Variants in AGO4 observed in about 807,000 individuals in gnomAD.
AGO4 encodes the protein argonaute RISC component 4, also known as protein argonaute-4.
Under a neutral mutation model 104.7 loss-of-function variants are expected in AGO4, and 33 were observed. The ratio of observed to expected loss-of-function variants is 0.32; its 90% CI spans 0.24 to 0.42. AGO4 has a LOEUF of 0.42. AGO4 is among the 10% of genes least tolerant of loss of function. AGO4 has a pLI of 1.00. For synonymous variants in AGO4, 331 were observed against 364.7 expected (o/e 0.91, Z 1.05); for missense variants, 711 against 1,083.4 (o/e 0.66, Z 4.83).
At chr1:35,818,363 C>T (rs963335034) in intron 2 of AGO4, among the ~76,000 whole-genome samples, 1 of 152,236 alleles carries the variant, frequency 6.6e-6, no homozygotes, top group East Asian at 1.9e-4. Flanking sequence ...ATGGCTCATG[C>T]CTGTAATCCC....
In AGO4 at chr1:35,855,515, C is replaced by T. The variant is rs992509889; in HGVS notation, c.*1910C>T. 8 of 152,532 alleles carry T rather than the reference C, an allele frequency of 5.2e-5. No homozygotes were observed. The highest frequency in any genetic ancestry group is 1.3e-4 in the Admixed American group (2 of 15,262). 9.4% of individuals were successfully genotyped at this position (152,532 alleles called of 1,614,324 possible). A position where few individuals can be genotyped will look rare whatever the true frequency, so the allele number is the denominator to read the frequency against. ...GTCTCTGAGAGAGTTTTATGTCGAT[C>T]GAGGCCTGTTGCTCATTAAGCTGAG... On this transcript the variant is annotated 3_prime_UTR_variant, in exon 18 of 18. Transcript: ENST00000373210.
At chr1:35,822,229 G>A (rs1167834555) in intron 2 of AGO4, among the ~76,000 whole-genome samples, 2 of 151,558 alleles carry the variant, frequency 1.3e-5, no homozygotes, top group South Asian at 2.1e-4. Context: ...ATGTACCTCC[G>A]TGTCAAACTT....
intron 3 of AGO4, 141 bp downstream of exon 3, chr1:35,823,123 C>A: frequency 1.0e-6 from 1 of 956,636 alleles, no homozygotes; most frequent in Non-Finnish European, 1.5e-6. Context: ...TTCATTATTA[C>A]ACATTGCATA....
intron 7 of AGO4, among the ~76,000 whole-genome samples, chr1:35,829,628 G>A (rs182755673): frequency 1.4e-3 from 206 of 152,118 alleles, no homozygotes; most frequent in Non-Finnish European, 2.4e-3. Context: ...CTAGAGGTCA[G>A]GAGTTCAAGA....
At chr1:35,843,860 C>T (rs1016880072) in intron 15 of AGO4, among the ~76,000 whole-genome samples, 1 of 152,144 alleles carries the variant, frequency 6.6e-6, no homozygotes, top group Non-Finnish European at 1.5e-5. Flanking sequence ...TATTATTAAG[C>T]TATCTCATAG....
At position 35,816,976 on chromosome 1, in the gene AGO4, G is replaced by A. The variant is rs1034308759; in HGVS notation, c.114G>A (p.Gln38=). 12 of 1,614,044 alleles carry A rather than the reference G, an allele frequency of 7.4e-6. No individual in the cohort carries two copies. The Middle Eastern group carries it at 1.2e-3, about 155-fold the overall frequency. The change falls in exon 2 of 18, where the codon CAG becomes CAA. Residue 38 remains glutamine (Q), a synonymous_variant. Coordinates refer to ENST00000373210, the MANE Select transcript of AGO4 (RefSeq NM_017629.4). ...IRLLANHFQV[Q]IPKIDVYHYD... is the part of the protein sequence containing the mutation. ...TGTTAGCCAATCATTTTCAGGTTCA[G>A]ATTCCTAAAATAGATGTGTATCACT...
At position 35,855,345 on chromosome 1, in the gene AGO4, CA is replaced by C. The variant is rs1440639332; in HGVS notation, c.*1743del. ...GTTTGCTTGAACTCATGAGACGGTC[CA>C]AATCTCATAAACTAGCCTTCTCAAA... On this transcript the variant is annotated 3_prime_UTR_variant, in exon 18 of 18. Transcript: ENST00000373210. The C allele has an allele frequency of 6.6e-6, 1 of 152,590 alleles. No homozygotes were observed. Among genetic ancestry groups the C allele is most frequent in the Non-Finnish European group, 1.5e-5 (1 of 68,038 alleles). 9.5% of individuals were successfully genotyped at this position (152,590 alleles called of 1,614,324 possible). A position where few individuals can be genotyped will look rare whatever the true frequency, so the allele number is the denominator to read the frequency against.
Position 35,826,382 on chromosome 1 carries a change from A to G in AGO4, c.760+322A>G, listed in dbSNP as rs72659691. On this transcript the variant is annotated intron_variant, in intron 6 of 17. Transcript: ENST00000373210. ...AGAACTTCCATTTTAATAAAATAACATAAATTCATTTATTATCCTTCTGGG... is the reference window on the plus strand; with the variant it reads ...AGAACTTCCATTTTAATAAAATAACGTAAATTCATTTATTATCCTTCTGGG... 5.1e-3 allele frequency among the ~76,000 whole-genome samples: 783 copies of G among 152,342 alleles called. 5 individuals carry two copies. Among genetic ancestry groups the G allele is most frequent in the Non-Finnish European group, 6.2e-3 (421 of 68,030 alleles).
At position 35,813,790 on chromosome 1, in the gene AGO4, AGAAGGAAGAAG is replaced by A. The variant is rs377067585; in HGVS notation, c.20-3076_20-3066del. On this transcript the variant is annotated intron_variant, in intron 1 of 17. Coordinates refer to ENST00000373210, the MANE Select transcript of AGO4 (RefSeq NM_017629.4). The stretch of plus-strand genomic sequence containing the variant: ...AAGAAGAAGAAGAAGAGGAAGAGGA[AGAAGGAAGAAG>A]GAAGGAAGAAGGAAGAAGAAGAGAG... Among the ~76,000 whole-genome samples, 1,055 of 151,556 alleles carry A rather than the reference AGAAGGAAGAAG, an allele frequency of 7.0e-3. 13 individuals carry two copies. The highest frequency in any genetic ancestry group is 0.022 in the African/African-American group (926 of 41,258).
intron 7 of AGO4, among the ~76,000 whole-genome samples, chr1:35,830,123 G>A: frequency 7.6e-6 from 1 of 131,254 alleles, no homozygotes; most frequent in Non-Finnish European, 1.6e-5. Flanking sequence ...CAGCCTAGGT[G>A]ACAGAACGAG....
chr1:35,809,256 G>T (rs1184375344), intron 1 of AGO4, among the ~76,000 whole-genome samples: 1 of 152,200 alleles, frequency 6.6e-6, no homozygotes, highest in Admixed American at 6.5e-5. Flanking sequence ...ATTCCAGGCT[G>T]TAACAAGTGT....
intron 15 of AGO4, among the ~76,000 whole-genome samples, chr1:35,846,069 C>T (rs1307559198): frequency 6.6e-6 from 1 of 152,210 alleles, no homozygotes; most frequent in African/African-American, 2.4e-5. Flanking sequence ...CTCCCCCAGG[C>T]AGGGGCATGG....
Position 35,808,764 on chromosome 1 carries a change from G to A in AGO4, c.19+329G>A, listed in dbSNP as rs1023225707. 6.6e-6 allele frequency among the ~76,000 whole-genome samples: 1 copy of A among 152,178 alleles called. No individual in the cohort carries two copies. Among genetic ancestry groups the A allele is most frequent in the Non-Finnish European group, 1.5e-5 (1 of 68,018 alleles). On this transcript the variant is annotated intron_variant, in intron 1 of 17. Transcript: ENST00000373210. The surrounding 1 kb of genome is among the most constrained non-coding windows in gnomAD (Gnocchi z 5.2). Reference sequence around the variant, plus strand: ...CGAGGGTAGTTTGGGCCTCAGAAGGGGGCGATCCGCTACCCAGTGCGCGCG... The same window carrying A: ...CGAGGGTAGTTTGGGCCTCAGAAGGAGGCGATCCGCTACCCAGTGCGCGCG...
chr1:35,850,785 A>G (rs1403817357), intron 16 of AGO4, 69 bp from the exon 17 acceptor site: 3 of 923,218 alleles, frequency 3.2e-6, no homozygotes, highest in African/African-American at 4.5e-5. Flanking sequence ...CATCTCAAAA[A>G]AAAAAAAAAA....
At chr1:35,825,240 C>A in intron 3 of AGO4, 73 bp from the exon 4 acceptor site, 2 of 1,459,148 alleles carry the variant, frequency 1.4e-6, no homozygotes, top group South Asian at 1.2e-5. Context: ...ATGTATCATA[C>A]TGCATATTCT....
At chr1:35,830,582 T>A (rs1330313754) in intron 7 of AGO4, among the ~76,000 whole-genome samples, 1 of 152,214 alleles carries the variant, frequency 6.6e-6, no homozygotes, top group South Asian at 2.1e-4. Flanking sequence ...TTTAAAAAAA[T>A]TTCTCATCCA....
chr1:35,817,991 T>C (rs1484022913), intron 2 of AGO4, among the ~76,000 whole-genome samples: 2 of 152,122 alleles, frequency 1.3e-5, no homozygotes, highest in Non-Finnish European at 2.9e-5. Context: ...GTTTCTACCT[T>C]TGAGGAGCGT....
chr1:35,814,942 A>G (rs1303737479), intron 1 of AGO4, among the ~76,000 whole-genome samples: 2 of 152,078 alleles, frequency 1.3e-5, no homozygotes, highest in African/African-American at 2.4e-5. Flanking sequence ...CAGTGACACA[A>G]TCTCAGCTCA....
At chr1:35,817,258 T>C (rs1044391042) in intron 2 of AGO4, among the ~76,000 whole-genome samples, 2 of 152,164 alleles carry the variant, frequency 1.3e-5, no homozygotes, top group African/African-American at 4.8e-5. Flanking sequence ...AGTAAACACT[T>C]ATTTAATTAT....
Sources: gnomAD v4.1 joint callset for allele counts (sites outside exome capture counted in the v4.1 genomes callset) on GRCh38, gnomAD v4.1.1 for gene constraint, Gnocchi (gnomAD v3.1) non-coding constraint, MANE v1.5 for transcripts, NCBI Gene and HGNC (gene_info 2026-07-23, HGNC 2026-07-21) for gene names.